PITPNC1: variants seen among roughly 807,000 people sequenced by gnomAD.
PITPNC1 encodes phosphatidylinositol transfer protein cytoplasmic 1, also known as cytoplasmic phosphatidylinositol transfer protein 1.
A neutral mutation model predicts 44.7 loss-of-function variants in PITPNC1; 18 were observed. That is an observed-to-expected ratio of 0.40 (90% CI 0.28 to 0.60). PITPNC1 has a LOEUF of 0.60. PITPNC1 is among the 20% of genes least tolerant of loss of function. The pLI, the probability that PITPNC1 is intolerant of heterozygous loss-of-function variation, is 0.39. For synonymous variants in PITPNC1, 141 were observed against 149.6 expected, an observed-to-expected ratio of 0.94 and a Z score of 0.42; for missense variants, 290 against 418.4, an observed-to-expected ratio of 0.69 and a Z score of 2.68.
intron 1 of PITPNC1, among the ~76,000 whole-genome samples, chr17:67,500,157 T>C (rs1441595859): frequency 6.6e-6 from 1 of 152,246 alleles, no homozygotes; most frequent in African/African-American, 2.4e-5. Context: ...AGTTATTGCA[T>C]TTCTGTCTCT....
intron 1 of PITPNC1, among the ~76,000 whole-genome samples, chr17:67,498,035 T>C (rs2039979349): frequency 6.7e-6 from 1 of 150,158 alleles, no homozygotes; most frequent in Non-Finnish European, 1.5e-5. Flanking sequence ...TAATTTTTTG[T>C]ATTTTTGGAA....
Position 67,697,184 on chromosome 17 carries a change from C to T in PITPNC1, c.*4296C>T, listed in dbSNP as rs2043023911. ...TTTGTGGCTGTTCTGTGTTTTTCTTCCTAGTTATTTATTATTGTTAATAAC... is the reference window on the plus strand; with the variant it reads ...TTTGTGGCTGTTCTGTGTTTTTCTTTCTAGTTATTTATTATTGTTAATAAC... On this transcript the variant is annotated 3_prime_UTR_variant, in exon 9 of 9. Coordinates refer to ENST00000581322, the MANE Select transcript of PITPNC1 (RefSeq NM_012417.4). 6.6e-6 allele frequency: 1 copy of T among 150,744 alleles called. No homozygotes were observed. The highest frequency in any genetic ancestry group is 2.4e-5 in the African/African-American group (1 of 40,976). 9.3% of individuals were successfully genotyped at this position (150,744 alleles called of 1,614,324 possible). A position where few individuals can be genotyped will look rare whatever the true frequency, so the allele number is the denominator to read the frequency against.
At chr17:67,463,486 C>T (rs1266148254) in intron 1 of PITPNC1, among the ~76,000 whole-genome samples, 1 of 152,102 alleles carries the variant, frequency 6.6e-6, no homozygotes, top group African/African-American at 2.4e-5. Context: ...TCACATAGTA[C>T]ATTGGAAGTC....
chr17:67,653,708 C>T (rs942331100), intron 6 of PITPNC1, among the ~76,000 whole-genome samples: 7 of 56,324 alleles, frequency 1.2e-4, no homozygotes, highest in Non-Finnish European at 1.7e-4. Flanking sequence ...TGTTGCAGAT[C>T]TCATTTTCAT....
intron 5 of PITPNC1, among the ~76,000 whole-genome samples, chr17:67,593,674 C>G (rs1422017362): frequency 1.3e-5 from 2 of 152,212 alleles, no homozygotes; most frequent in African/African-American, 2.4e-5. Flanking sequence ...GCTGAGATTA[C>G]AGGCGTGAGC....
intron 8 of PITPNC1, among the ~76,000 whole-genome samples, chr17:67,685,859 C>T (rs1348737819): frequency 2.0e-5 from 3 of 152,000 alleles, no homozygotes; most frequent in African/African-American, 7.2e-5. Flanking sequence ...GAGACAGGGT[C>T]TCACTCTGTC....
intron 1 of PITPNC1, among the ~76,000 whole-genome samples, chr17:67,403,026 G>A (rs1187893062): frequency 6.6e-6 from 1 of 151,948 alleles, no homozygotes; most frequent in Non-Finnish European, 1.5e-5. Flanking sequence ...TCTTAGCTTC[G>A]TGGCAGATGT....
chr17:67,666,688 G>A (rs192378996), intron 6 of PITPNC1, among the ~76,000 whole-genome samples: 10 of 152,288 alleles, frequency 6.6e-5, no homozygotes, highest in Admixed American at 5.2e-4. Flanking sequence ...GCATTCACCC[G>A]CTACTTTGAT....
intron 8 of PITPNC1, among the ~76,000 whole-genome samples, chr17:67,680,402 C>G (rs1258186375): frequency 6.6e-6 from 1 of 152,106 alleles, no homozygotes; most frequent in African/African-American, 2.4e-5. Flanking sequence ...GAGTTCGAGA[C>G]CAGCCTGGCC....
chr17:67,652,699 C>T (rs1320295269), intron 6 of PITPNC1, among the ~76,000 whole-genome samples: 1 of 152,226 alleles, frequency 6.6e-6, no homozygotes, highest in Non-Finnish European at 1.5e-5. Flanking sequence ...AAGAGCATCG[C>T]TTGCAGAGAA....
In PITPNC1 at chr17:67,515,303, T is replaced by C. The variant is rs183977619; in HGVS notation, c.49-17499T>C. On this transcript the variant is annotated intron_variant, in intron 1 of 8. Transcript: ENST00000581322. The stretch of plus-strand genomic sequence containing the variant: ...GGAATGGGGAGGAAGGCATGCCCAA[T>C]AGAAGGAGAACAGGGAAGAAGATGT... Among the ~76,000 whole-genome samples, 347 of 152,282 alleles carry C rather than the reference T, an allele frequency of 2.3e-3. 7 individuals are homozygous for C. The South Asian group carries it at 0.028, about 12-fold the overall frequency.
At chr17:67,549,640 T>C (rs1380921941) in intron 2 of PITPNC1, among the ~76,000 whole-genome samples, 2 of 152,042 alleles carry the variant, frequency 1.3e-5, no homozygotes, top group Non-Finnish European at 2.9e-5. Context: ...ATAGTTCTGC[T>C]GGGAGGCTTT....
rs984751348 is a variant in PITPNC1, at chr17:67,386,440, G to A, written c.48+8238G>A. Among the ~76,000 whole-genome samples, 10 of 152,268 alleles carry A rather than the reference G, an allele frequency of 6.6e-5. No individual in the cohort carries two copies. The South Asian group carries it at 1.0e-3, about 16-fold the overall frequency. On this transcript the variant is annotated intron_variant, in intron 1 of 8. Coordinates refer to ENST00000581322, the MANE Select transcript of PITPNC1 (RefSeq NM_012417.4). ...ACTCCTGACCTCAGGTGATCCACCCGCCTCGGCCTCTCAGAGTGCTGGGAT... is the reference window on the plus strand; with the variant it reads ...ACTCCTGACCTCAGGTGATCCACCCACCTCGGCCTCTCAGAGTGCTGGGAT...
chr17:67,585,118 G>GAAA (rs397857902), intron 5 of PITPNC1, among the ~76,000 whole-genome samples: 6 of 82,066 alleles, frequency 7.3e-5, no homozygotes, highest in South Asian at 3.6e-4. Context: ...CTCCATCTCA[G>GAAA]AAAAAAAAAA....
intron 1 of PITPNC1, among the ~76,000 whole-genome samples, chr17:67,481,768 T>A (rs2039706020): frequency 1.4e-5 from 2 of 141,380 alleles, no homozygotes; most frequent in East Asian, 4.1e-4. Context: ...CTGAAGCAAT[T>A]TGAAGATTTA....
chr17:67,553,563 G>T, intron 3 of PITPNC1, 47 bp from the exon 4 acceptor site: 1 of 948,370 alleles, frequency 1.1e-6, no homozygotes, highest in South Asian at 1.9e-5. Context: ...ATCATCTTTT[G>T]TCTCTTTTTT....
At chr17:67,382,338 GGTGTGTGTGT>G (rs112100189) in intron 1 of PITPNC1, among the ~76,000 whole-genome samples, 24 of 146,092 alleles carry the variant, frequency 1.6e-4, no homozygotes, top group African/African-American at 3.7e-4. Flanking sequence ...GGGGTTTTTT[GGTGTGTGTGT>G]GTGTGTGTGT....
At chr17:67,390,175 A>T (rs2038117133) in intron 1 of PITPNC1, among the ~76,000 whole-genome samples, 1 of 152,186 alleles carries the variant, frequency 6.6e-6, no homozygotes, top group Non-Finnish European at 1.5e-5. Flanking sequence ...TTTCCAGAGG[A>T]GGAGGTTCTC....
chr17:67,648,980 C>A (rs1156971479), intron 6 of PITPNC1, among the ~76,000 whole-genome samples: 1 of 152,082 alleles, frequency 6.6e-6, no homozygotes, highest in African/African-American at 2.4e-5. Flanking sequence ...ATAGCAACAG[C>A]CCATCTACAA....
Sources: allele counts gnomAD v4.1 joint callset (sites outside exome capture counted in the v4.1 genomes callset), GRCh38; gene constraint gnomAD v4.1.1; transcripts MANE v1.5; gene names NCBI Gene and HGNC (gene_info 2026-07-23, HGNC 2026-07-21).